Variants in PDE4D observed in about 807,000 individuals in gnomAD.
PDE4D encodes the protein 3',5'-cyclic-AMP phosphodiesterase 4D.
Under a neutral mutation model 87.4 loss-of-function variants are expected in PDE4D, and 24 were observed. The ratio of observed to expected loss-of-function variants is 0.27; its 90% CI spans 0.20 to 0.39. PDE4D has a LOEUF of 0.39. Among genes scored for constraint, PDE4D ranks in the 10% least tolerant of loss-of-function variants. The pLI, the probability that PDE4D is intolerant of heterozygous loss-of-function variation, is 1.00. For synonymous variants in PDE4D, 384 were observed against 383.2 expected, an observed-to-expected ratio of 1.00 and a Z score of -0.02; for missense variants, 714 against 1,041.0, an observed-to-expected ratio of 0.69 and a Z score of 4.32.
chr5:59,430,891 A>C (rs1796010391), intron 1 of PDE4D, among the ~76,000 whole-genome samples: 1 of 152,150 alleles, frequency 6.6e-6, no homozygotes, highest in Non-Finnish European at 1.5e-5. Flanking sequence ...ATTTTCGAAG[A>C]GGGAATATTG....
At chr5:59,584,822 G>C (rs1824822360) in intron 1 of PDE4D, among the ~76,000 whole-genome samples, 1 of 152,124 alleles carries the variant, frequency 6.6e-6, no homozygotes, top group Non-Finnish European at 1.5e-5. Flanking sequence ...CAAATCTTAA[G>C]AGGTATAAAA....
At chr5:59,003,229 G>A (rs1362929572) in intron 6 of PDE4D, among the ~76,000 whole-genome samples, 1 of 152,100 alleles carries the variant, frequency 6.6e-6, no homozygotes, top group African/African-American at 2.4e-5. Context: ...AGTAATGCCT[G>A]CTTCATCACA....
chr5:58,980,569 T>A (rs1744872011), intron 11 of PDE4D, among the ~76,000 whole-genome samples: 1 of 152,108 alleles, frequency 6.6e-6, no homozygotes, highest in Non-Finnish European at 1.5e-5. Context: ...TCAATTGTGC[T>A]CATTTGTTAC....
intron 1 of PDE4D, among the ~76,000 whole-genome samples, chr5:59,759,424 T>C (rs1172036091): frequency 6.6e-6 from 1 of 152,206 alleles, no homozygotes; most frequent in East Asian, 1.9e-4. Flanking sequence ...CTCTTTAAGA[T>C]AAATGTCAAT....
At chr5:60,480,764 AATAGAAT>A (rs774434551) in intron 1 of PDE4D, among the ~76,000 whole-genome samples, 5 of 152,212 alleles carry the variant, frequency 3.3e-5, no homozygotes, top group Non-Finnish European at 5.9e-5. Context: ...ATATCTATTA[AATAGAAT>A]ATAATCTTCA....
intron 1 of PDE4D, among the ~76,000 whole-genome samples, chr5:60,203,883 T>C (rs1423155041): frequency 6.6e-6 from 1 of 152,202 alleles, no homozygotes; most frequent in Non-Finnish European, 1.5e-5. Context: ...TTTCAGTCAG[T>C]TCTGAGTACT....
At chr5:60,181,970 A>C (rs911091538) in intron 2 of PDE4D, among the ~76,000 whole-genome samples, 2 of 152,268 alleles carry the variant, frequency 1.3e-5, no homozygotes, top group Admixed American at 6.5e-5. Context: ...CCCTCCCCTG[A>C]TTAGCTAAAA....
chr5:59,667,466 T>C (rs977581548), intron 1 of PDE4D, among the ~76,000 whole-genome samples: 3 of 152,132 alleles, frequency 2.0e-5, no homozygotes, highest in African/African-American at 4.8e-5. Flanking sequence ...TGCACACCAT[T>C]ACTTTGCTTC....
At chr5:60,347,048 C>T (rs75884747) in intron 1 of PDE4D, among the ~76,000 whole-genome samples, 3,307 of 152,160 alleles carry the variant, frequency 0.022, 55 homozygotes, top group East Asian at 0.041. Context: ...AACAAATAGA[C>T]AAACAAAACA....
At chr5:60,011,794 T>C (rs1027380688) in intron 2 of PDE4D, among the ~76,000 whole-genome samples, 2 of 152,176 alleles carry the variant, frequency 1.3e-5, no homozygotes, top group Non-Finnish European at 2.9e-5. Flanking sequence ...CCCTGTTTCC[T>C]AATTAATAAC....
At chr5:59,275,323 A>C in intron 1 of PDE4D, 1 of 1,587,792 alleles carries the variant, frequency 6.3e-7, no homozygotes, top group East Asian at 2.2e-5. Flanking sequence ...AAAGCATGAG[A>C]GAAAAGAACG....
intron 1 of PDE4D, among the ~76,000 whole-genome samples, chr5:59,560,142 C>A (rs1450723593): frequency 1.3e-5 from 2 of 152,164 alleles, no homozygotes; most frequent in Non-Finnish European, 2.9e-5. Context: ...TTTAATCAAT[C>A]CATGAAAATC....
chr5:60,460,211 C>G lies in PDE4D; in HGVS notation c.-90+27731G>C, dbSNP rs1746816864. The G allele has an allele frequency of 3.4e-6, 5 of 1,470,560 alleles. No individual in the cohort carries two copies. In the Admixed American group the frequency reaches 8.4e-5, roughly 25 times the overall value. The allele number at this position is 1,470,560 out of a possible 1,614,324, so 91.1% of individuals were successfully genotyped here. A position where few individuals can be genotyped will look rare whatever the true frequency, so the allele number is the denominator to read the frequency against. On this transcript the variant is annotated intron_variant, in intron 1 of 16. Transcript: ENST00000502484. ...TTTCCAGATGAACATTTCATCAAAT[C>G]CTTTCCAGATTTCCATTTCATTTCA...
At chr5:60,253,886 C>T (rs1342338164) in intron 1 of PDE4D, among the ~76,000 whole-genome samples, 1 of 151,786 alleles carries the variant, frequency 6.6e-6, no homozygotes, top group Non-Finnish European at 1.5e-5. Context: ...GTAAAGGGAA[C>T]CTGATTCAAT....
In PDE4D at chr5:58,973,130, C is replaced by CAAAT. The variant is rs924304813; in HGVS notation, c.*1530_*1533dup. On this transcript the variant is annotated 3_prime_UTR_variant, in exon 15 of 15. Coordinates refer to ENST00000340635, the MANE Select transcript of PDE4D (RefSeq NM_001104631.2). Reference sequence around the variant, plus strand: ...AATCCCATGGTGAAATCATTAAAACCAAATAGGATTAGTTGTATTGGTGTT... The same window carrying CAAAT: ...AATCCCATGGTGAAATCATTAAAACCAAATAAATAGGATTAGTTGTATTGGTGTT... 2 of 152,110 alleles carry CAAAT rather than the reference C, an allele frequency of 1.3e-5. No homozygotes were observed. The highest frequency in any genetic ancestry group is 2.4e-5 in the African/African-American group (1 of 41,412). 9.4% of individuals were successfully genotyped at this position (152,110 alleles called of 1,614,324 possible). A position where few individuals can be genotyped will look rare whatever the true frequency, so the allele number is the denominator to read the frequency against.
intron 1 of PDE4D, among the ~76,000 whole-genome samples, chr5:60,394,746 T>A (rs1290193707): frequency 6.6e-6 from 1 of 152,202 alleles, no homozygotes; most frequent in Non-Finnish European, 1.5e-5. Context: ...GATACTAAAT[T>A]ACAATTTATA....
At chr5:59,501,017 T>C (rs777887328) in intron 1 of PDE4D, among the ~76,000 whole-genome samples, 5 of 152,234 alleles carry the variant, frequency 3.3e-5, no homozygotes, top group Admixed American at 6.5e-5. Flanking sequence ...CTAATCAGAT[T>C]CACATTATCA....
chr5:59,636,349 A>G (rs1322705516), intron 1 of PDE4D, among the ~76,000 whole-genome samples: 1 of 152,200 alleles, frequency 6.6e-6, no homozygotes, highest in African/African-American at 2.4e-5. Flanking sequence ...TCAAGCTACC[A>G]TTGACTTTCT....
intron 3 of PDE4D, among the ~76,000 whole-genome samples, chr5:59,189,681 C>A (rs915520020): frequency 1.3e-5 from 2 of 152,140 alleles, no homozygotes; most frequent in Non-Finnish European, 2.9e-5. Flanking sequence ...AGGTCAGTTG[C>A]CGCGTGCACT....
Sources: allele counts gnomAD v4.1 joint callset (sites outside exome capture counted in the v4.1 genomes callset), GRCh38; gene constraint gnomAD v4.1.1; transcripts MANE v1.5; gene names NCBI Gene and HGNC (gene_info 2026-07-23, HGNC 2026-07-21).